The following ANAPC2 variants were observed in gnomAD, a reference collection of about 807,000 sequenced individuals.
The protein encoded by ANAPC2 is anaphase promoting complex subunit 2.
ANAPC2 carries 29 observed loss-of-function variants against 84.3 expected under a neutral mutation model. That is an observed-to-expected ratio of 0.34 (90% CI 0.26 to 0.47). The LOEUF (loss-of-function observed/expected upper bound fraction) is 0.47, where lower values mean the gene tolerates loss of function less well. Among genes scored for constraint, ANAPC2 ranks in the 20% least tolerant of loss-of-function variants. The probability of loss-of-function intolerance (pLI) is 1.00; values close to 1 mark genes in which losing one functional copy is unlikely to be tolerated. For synonymous variants in ANAPC2, 571 were observed against 479.4 expected (o/e 1.19, Z -2.50); for missense variants, 857 against 1,131.7 (o/e 0.76, Z 3.48).
chr9:137,181,831 C>A lies in ANAPC2; in HGVS notation c.1318G>T (p.Ala440Ser). ...CCGTCCGAGTCCCCCGTCAGCCCAG[C>A]CACAATCTGCCGCACTGTGTCCTCC... is the stretch of plus-strand genomic sequence containing the variant. ...TREDTVRQIV[A>S]GLTGDSDGTG... The change falls in exon 7 of 13, where the codon GCT becomes TCT. Residue 440 changes from alanine to serine, a missense_variant. Ala to Ser is a moderately conservative substitution (Grantham distance 99, BLOSUM62 1). Coordinates refer to ENST00000323927, the MANE Select transcript of ANAPC2 (RefSeq NM_013366.4). 6.2e-7 allele frequency: 1 copy of A among 1,608,222 alleles called. No individual in the cohort carries two copies. The highest frequency in any genetic ancestry group is 8.5e-7 in the Non-Finnish European group (1 of 1,179,862).
intron 5 of ANAPC2, 45 bp from the exon 6 acceptor site, chr9:137,183,287 A>T: frequency 6.6e-7 from 1 of 1,508,160 alleles, no homozygotes; most frequent in Non-Finnish European, 9.2e-7. Flanking sequence ...GCCCGGGACC[A>T]CAGCCTCCCA....
chr9:137,176,803 G>T (rs1161185716), intron 10 of ANAPC2: 1 of 152,282 alleles, frequency 6.6e-6, no homozygotes, highest in African/African-American at 2.4e-5. Flanking sequence ...GGGACCTGCA[G>T]CTGATGAGCC....
intron 6 of ANAPC2, among the ~76,000 whole-genome samples, chr9:137,182,575 G>C (rs9775861): frequency 0.25 from 38,445 of 152,076 alleles, 5,071 homozygotes; most frequent in South Asian, 0.33. Flanking sequence ...AAGCACCAAA[G>C]GAGTCCAGGT....
Position 137,180,169 on chromosome 9 carries a change from G to A in ANAPC2, c.1890+12C>T, listed in dbSNP as rs553691479. 1.2e-6 allele frequency: 2 copies of A among 1,611,880 alleles called. No individual in the cohort carries two copies. Among genetic ancestry groups the A allele is most frequent in the South Asian group, 1.1e-5 (1 of 90,944 alleles). ...TGCCAAGAGCCCATGGGGTGGCCTG[G>A]CATGGAGGTACCTTGAGCTGCTCAT... On this transcript the variant is annotated intron_variant, in intron 10 of 12. Coordinates refer to ENST00000323927, the MANE Select transcript of ANAPC2 (RefSeq NM_013366.4).
At chr9:137,184,629 G>A (rs1325215618) in intron 4 of ANAPC2, among the ~76,000 whole-genome samples, 1 of 142,502 alleles carries the variant, frequency 7.0e-6, no homozygotes, top group African/African-American at 2.7e-5. Flanking sequence ...AGACAGAGCA[G>A]ACACGGTGAA....
intron 3 of ANAPC2, among the ~76,000 whole-genome samples, 187 bp from the exon 4 acceptor site, chr9:137,185,274 G>A (rs959898793): frequency 6.6e-5 from 10 of 152,204 alleles, no homozygotes; most frequent in Admixed American, 1.3e-4. Context: ...AAAAGGCGAC[G>A]TCCCGGCCCC....
chr9:137,179,056 C>CAGA (rs1834282534), intron 10 of ANAPC2, among the ~76,000 whole-genome samples: 1 of 152,200 alleles, frequency 6.6e-6, no homozygotes. Flanking sequence ...TGTGGACCCT[C>CAGA]CCTTGAACTC....
In ANAPC2 at chr9:137,187,963, G is replaced by A; in HGVS notation, c.258C>T (p.Asn86=). The change falls in exon 2 of 13, where the codon AAC becomes AAT. Residue 86 remains asparagine, a synonymous_variant. Transcript: ENST00000323927. ...TGGCATTCCAGAACTCAGGGGAGATGTTGGCCTGCAGATCGTTCTGCAGCA... is the reference window on the plus strand; with the variant it reads ...TGGCATTCCAGAACTCAGGGGAGATATTGGCCTGCAGATCGTTCTGCAGCA... ...VEVLQNDLQA[N]ISPEFWNAIS... is the part of the protein sequence containing the mutation. The A allele has an allele frequency of 6.2e-7, 1 of 1,613,934 alleles. No homozygotes were observed. The highest frequency in any genetic ancestry group is 8.5e-7 in the Non-Finnish European group (1 of 1,180,038).
In ANAPC2 at chr9:137,187,722, T is replaced by C. The variant is rs1834508562; in HGVS notation, c.499A>G (p.Arg167Gly). 1 of 1,613,926 alleles carries C rather than the reference T, an allele frequency of 6.2e-7. No homozygotes were observed. Among genetic ancestry groups the C allele is most frequent in the Non-Finnish European group, 8.5e-7 (1 of 1,180,024 alleles). The change falls in exon 2 of 13, where the codon AGA (arginine) becomes GGA (glycine). Residue 167 changes from arginine to glycine, a missense_variant. Physicochemically the swap from Arg to Gly is moderately radical, Grantham distance 125. Coordinates refer to ENST00000323927, the MANE Select transcript of ANAPC2 (RefSeq NM_013366.4). Reference sequence around the variant, plus strand: ...CGCTGGATCATCTCTTGGAAGGTTCTGGGGGTGCTAAAGAACAAGACTCCG... The same window carrying C: ...CGCTGGATCATCTCTTGGAAGGTTCCGGGGGTGCTAAAGAACAAGACTCCG... ...LRGVLFFSTP[R>G]TFQEMIQRLY...
At chr9:137,180,596 C>T (rs1296557849) in intron 8 of ANAPC2, 69 bp from the exon 9 acceptor site, 16 of 1,601,848 alleles carry the variant, frequency 1.0e-5, no homozygotes, top group African/African-American at 2.7e-5. Context: ...TGTGGCAGGG[C>T]ACGGGGGTGC....
Position 137,175,317 on chromosome 9 carries a change from T to A in ANAPC2, c.2176A>T (p.Asn726Tyr), listed in dbSNP as rs1390741530. ...TCGTCACTGTCAATGAGCACCATGT[T>A]GTCCCGGTCCTGAGGCCGCTCCTCC... ...IEEERPQDRD[N>Y]MVLIDSDDES... Residue 726 changes from asparagine to tyrosine, a missense_variant, in exon 12 of 13, where the codon AAC becomes TAC. Asn to Tyr is a moderately radical substitution (Grantham distance 143, BLOSUM62 -2). This residue lies in a region of ANAPC2 where 425 missense variants were observed against 595.5 expected (regional missense o/e 0.71). Coordinates refer to ENST00000323927, the MANE Select transcript of ANAPC2 (RefSeq NM_013366.4). 6.2e-7 allele frequency: 1 copy of A among 1,612,576 alleles called. No homozygotes were observed. The highest frequency in any genetic ancestry group is 8.5e-7 in the Non-Finnish European group (1 of 1,179,894).
intron 2 of ANAPC2, chr9:137,187,164 C>A (rs1178016818): frequency 5.6e-6 from 2 of 356,984 alleles, no homozygotes; most frequent in Non-Finnish European, 1.0e-5. Flanking sequence ...TCATTCCTCC[C>A]CAGGATCGAC....
Position 137,180,300 on chromosome 9 carries a change from C to A in ANAPC2, c.1771G>T (p.Val591Phe). The A allele has an allele frequency of 6.2e-7, 1 of 1,613,610 alleles. No individual in the cohort carries two copies. Among genetic ancestry groups the A allele is most frequent in the Non-Finnish European group, 8.5e-7 (1 of 1,180,028 alleles). ...RPAEEQPPFGVYAVILSSEFW... is the reference protein window; with the variant it reads ...RPAEEQPPFGFYAVILSSEFW... The stretch of plus-strand genomic sequence containing the variant: ...TCACTGGACAGGATGACAGCGTAGA[C>A]CCCGAACGGTGGCTGCTCCTCTGCT... Residue 591 changes from valine (V) to phenylalanine (F), a missense_variant, in exon 10 of 13, where the codon GTC (valine) becomes TTC (phenylalanine). Transcript: ENST00000323927.
intron 2 of ANAPC2, chr9:137,187,167 G>C (rs1003544064): frequency 2.7e-6 from 1 of 364,706 alleles, no homozygotes. Context: ...TTCCTCCCCA[G>C]GATCGACAAA....
At chr9:137,179,580 C>T (rs1246511174) in intron 10 of ANAPC2, among the ~76,000 whole-genome samples, 1 of 152,232 alleles carries the variant, frequency 6.6e-6, no homozygotes, top group African/African-American at 2.4e-5. Context: ...CAGTGACCTC[C>T]AGGCCAGGGC....
chr9:137,188,288 TG>T (rs1415573808), intron 1 of ANAPC2, 127 bp downstream of exon 1: 1 of 1,299,688 alleles, frequency 7.7e-7, no homozygotes, highest in Non-Finnish European at 1.0e-6. Flanking sequence ...GGAAAGGTGG[TG>T]GAAAATGGCA....
rs1021167262 is a variant in ANAPC2, at chr9:137,175,891, G to A, written c.1891-54C>T. 42 of 1,531,878 alleles carry A rather than the reference G, an allele frequency of 2.7e-5. No individual in the cohort carries two copies. The Admixed American group carries it at 3.7e-4, about 13-fold the overall frequency. The allele number at this position is 1,531,878 out of a possible 1,614,324, so 94.9% of individuals were successfully genotyped here. A position where few individuals can be genotyped will look rare whatever the true frequency, so the allele number is the denominator to read the frequency against. On this transcript the variant is annotated intron_variant, in intron 10 of 12. Transcript: ENST00000323927. ...GCTCGGCTGCAGGGCGCTCAGGCCC[G>A]TGGGCTCTGCCACCTGGTACCAGTG...
At chr9:137,176,071 C>T (rs1207960009) in intron 10 of ANAPC2, 1 of 467,310 alleles carries the variant, frequency 2.1e-6, no homozygotes, top group Non-Finnish European at 3.7e-6. Context: ...GCTACAGGGG[C>T]CTCCTGACCC....
chr9:137,175,123 G>C lies in ANAPC2; in HGVS notation c.2288C>G (p.Thr763Ser). Residue 763 changes from threonine (T) to serine (S), a missense_variant, in exon 13 of 13, where the codon ACC becomes AGC. Thr to Ser is a moderately conservative substitution (Grantham distance 58, BLOSUM62 1). This residue lies in a region of ANAPC2 where 425 missense variants were observed against 595.5 expected (regional missense o/e 0.71). Transcript: ENST00000323927. ...LFWTYIQAML[T>S]NLESLSLDRI... ...ATCCAGTGAGAGGCTCTCCAGGTTG[G>C]TCAGCATGGCCTGGATGTACGTCCA... 6.2e-7 allele frequency: 1 copy of C among 1,609,198 alleles called. No individual in the cohort carries two copies. The highest frequency in any genetic ancestry group is 8.5e-7 in the Non-Finnish European group (1 of 1,178,410).
Sources: gnomAD v4.1 joint callset for allele counts (sites outside exome capture counted in the v4.1 genomes callset) on GRCh38, gnomAD v4.1.1 for gene constraint, gnomAD v4.1.1 regional missense constraint, MANE v1.5 for transcripts, NCBI Gene and HGNC (gene_info 2026-07-23, HGNC 2026-07-21) for gene names.